PCDH11X: variants seen among roughly 807,000 people sequenced by gnomAD.
PCDH11X encodes the protein protocadherin-11 X-linked.
A neutral mutation model predicts 53.3 loss-of-function variants in PCDH11X; 18 were observed. The ratio of observed to expected loss-of-function variants is 0.34; its 90% CI spans 0.23 to 0.50. PCDH11X has a LOEUF of 0.50. Ranked by LOEUF, PCDH11X falls within the 20% of genes least tolerant of loss-of-function variation. The probability of loss-of-function intolerance (pLI) is 0.98; values close to 1 mark genes in which losing one functional copy is unlikely to be tolerated. For synonymous variants in PCDH11X, 279 were observed against 393.3 expected (o/e 0.71, Z 3.44); for missense variants, 570 against 1,032.4 (o/e 0.55, Z 6.14).
chrX:92,534,851 G>T (rs2074627217), intron 10 of PCDH11X, among the ~76,000 whole-genome samples: 1 of 111,653 alleles, frequency 9.0e-6, no homozygotes, highest in African/African-American at 3.3e-5. Flanking sequence ...ACAAGCAAAT[G>T]CTGAGAGATT....
chrX:92,067,476 G>A (rs1448927615), intron 6 of PCDH11X, among the ~76,000 whole-genome samples: 7 of 111,423 alleles, frequency 6.3e-5, no homozygotes, highest in African/African-American at 2.0e-4. Context: ...TTGTGTATGT[G>A]GAGTCATCTT....
intron 9 of PCDH11X, among the ~76,000 whole-genome samples, chrX:92,422,965 C>T (rs1173869584): frequency 9.3e-6 from 1 of 108,072 alleles, no homozygotes; most frequent in African/African-American, 3.3e-5. Flanking sequence ...TCTCCTGCCT[C>T]AGCCTCCCAA....
intron 10 of PCDH11X, among the ~76,000 whole-genome samples, chrX:92,481,313 A>C (rs1322361305): frequency 3.7e-5 from 4 of 107,316 alleles, no homozygotes; most frequent in African/African-American, 6.8e-5. Flanking sequence ...ACACACACAC[A>C]CCCCACACAC....
intron 6 of PCDH11X, among the ~76,000 whole-genome samples, chrX:91,992,363 C>T (rs1430287207): frequency 9.5e-6 from 1 of 105,315 alleles, no homozygotes; most frequent in East Asian, 3.0e-4. Context: ...TTGGAAGGGG[C>T]CAAACGCCTC....
chrX:92,205,355 T>C (rs2066456644), intron 7 of PCDH11X, among the ~76,000 whole-genome samples: 1 of 111,713 alleles, frequency 9.0e-6, no homozygotes, highest in South Asian at 3.7e-4. Context: ...TACACCTGTA[T>C]CCAAGAGGCA....
intron 8 of PCDH11X, among the ~76,000 whole-genome samples, chrX:92,347,122 T>G (rs1372091400): frequency 2.7e-5 from 3 of 111,965 alleles, no homozygotes; most frequent in Non-Finnish European, 5.7e-5. Context: ...GCAGCTACAC[T>G]TTGATTTATA....
At chrX:92,480,986 G>A (rs1287508261) in intron 10 of PCDH11X, among the ~76,000 whole-genome samples, 1 of 110,677 alleles carries the variant, frequency 9.0e-6, no homozygotes, top group Non-Finnish European at 1.9e-5. Context: ...TCTGGTGACT[G>A]TGCATGTGGT....
At chrX:91,913,619 A>T (rs1211711140) in intron 6 of PCDH11X, among the ~76,000 whole-genome samples, 1 of 110,401 alleles carries the variant, frequency 9.1e-6, no homozygotes, top group Admixed American at 9.6e-5. Context: ...GTATTTCGTA[A>T]CTACCCTGAT....
chrX:92,360,225 T>C (rs2070312287), intron 8 of PCDH11X, among the ~76,000 whole-genome samples: 1 of 111,227 alleles, frequency 9.0e-6, no homozygotes, highest in Non-Finnish European at 1.9e-5. Context: ...TATACAGTAC[T>C]TTATACTTTA....
chrX:92,419,025 G>T (rs368612855), intron 9 of PCDH11X, among the ~76,000 whole-genome samples: 1,154 of 98,452 alleles, frequency 0.012, 8 homozygotes, highest in Middle Eastern at 0.031. Context: ...TTGTATTGGG[G>T]TTTTTTTTTT....
chrX:92,523,205 T>C (rs1483716064), intron 10 of PCDH11X, among the ~76,000 whole-genome samples: 2 of 112,172 alleles, frequency 1.8e-5, no homozygotes. Flanking sequence ...GCACTGCTTT[T>C]TGACCAAAAT....
chrX:92,174,661 T>C (rs1010346189), intron 6 of PCDH11X, among the ~76,000 whole-genome samples: 15 of 111,853 alleles, frequency 1.3e-4, no homozygotes, highest in Admixed American at 8.6e-4. Context: ...GAATGGCAGC[T>C]CTGATAACGT....
intron 10 of PCDH11X, among the ~76,000 whole-genome samples, chrX:92,474,890 G>A (rs923030522): frequency 2.1e-4 from 23 of 109,590 alleles, no homozygotes; most frequent in Non-Finnish European, 3.6e-4. Context: ...GTTTGGCCGG[G>A]CGCGGTGGCT....
intron 6 of PCDH11X, among the ~76,000 whole-genome samples, chrX:92,175,960 T>G (rs989887265): frequency 9.0e-6 from 1 of 110,563 alleles, no homozygotes; most frequent in Non-Finnish European, 1.9e-5. Context: ...TTGCAATTTT[T>G]CCATTTAATG....
At chrX:91,882,123 T>C (rs1939937675) in intron 6 of PCDH11X, among the ~76,000 whole-genome samples, 1 of 110,842 alleles carries the variant, frequency 9.0e-6, no homozygotes, top group Non-Finnish European at 1.9e-5. Flanking sequence ...ATATGGAACA[T>C]TTATTAGATA....
At chrX:92,264,880 A>ATT (rs36145079) in intron 8 of PCDH11X, among the ~76,000 whole-genome samples, 1,196 of 87,740 alleles carry the variant, frequency 0.014, 22 homozygotes, top group African/African-American at 0.039. Flanking sequence ...GTGAAGGACA[A>ATT]TTTTTTTTTT....
intron 7 of PCDH11X, among the ~76,000 whole-genome samples, chrX:92,232,962 A>T (rs1435791009): frequency 9.0e-6 from 1 of 111,108 alleles, no homozygotes; most frequent in African/African-American, 3.3e-5. Context: ...TGATCCGCCC[A>T]CCGCGGCCTC....
chrX:91,916,168 CA>C (rs1017761872), intron 6 of PCDH11X, among the ~76,000 whole-genome samples: 2 of 110,641 alleles, frequency 1.8e-5, no homozygotes, highest in Admixed American at 1.9e-4. Flanking sequence ...CTCTGGGATA[CA>C]AAAAAAGCAG....
In PCDH11X at chrX:92,272,345, G is replaced by A. The variant is rs958083899; in HGVS notation, c.3144+9202G>A. On this transcript the variant is annotated intron_variant, in intron 8 of 10. Transcript: ENST00000682573. ...TTTACTTCTCATGTATTTGTTCCTCGTTATACATTTAATATTTAAGCTGGA... is the reference window on the plus strand; with the variant it reads ...TTTACTTCTCATGTATTTGTTCCTCATTATACATTTAATATTTAAGCTGGA... 7.2e-5 allele frequency among the ~76,000 whole-genome samples: 8 copies of A among 111,380 alleles called. No homozygotes were observed. In the South Asian group the frequency reaches 1.1e-3, roughly 16 times the overall value.
Sources: allele counts gnomAD v4.1 joint callset (sites outside exome capture counted in the v4.1 genomes callset), GRCh38; gene constraint gnomAD v4.1.1; transcripts MANE v1.5; gene names NCBI Gene and HGNC (gene_info 2026-07-23, HGNC 2026-07-21).